DOCK1: variants seen among roughly 807,000 people sequenced by gnomAD.
DOCK1 encodes dedicator of cytokinesis protein 1.
DOCK1 carries 138 observed loss-of-function variants against 262.7 expected under a neutral mutation model. The observed-to-expected ratio is 0.53, with a 90% CI of 0.46 to 0.61. The LOEUF is 0.61. Ranked by LOEUF, DOCK1 falls within the 20% of genes least tolerant of loss-of-function variation. The probability of loss-of-function intolerance (pLI) is 0.00; values close to 1 mark genes in which losing one functional copy is unlikely to be tolerated. For missense variants in DOCK1, 1,908 were observed against 2,370.7 expected (o/e 0.80, Z 4.05); for synonymous variants, 866 against 867.4 (o/e 1.00, Z 0.03).
chr10:127,380,886 G>T (rs2065788111), intron 36 of DOCK1, among the ~76,000 whole-genome samples: 1 of 152,136 alleles, frequency 6.6e-6, no homozygotes, highest in African/African-American at 2.4e-5. Flanking sequence ...TTATGGCAAA[G>T]AAATTCTTTC....
At chr10:127,342,083 T>TTGCTGTTGTTGTTGCTGCTGCTGCTGC (rs1270238317) in intron 30 of DOCK1, among the ~76,000 whole-genome samples, 3 of 147,154 alleles carry the variant, frequency 2.0e-5, no homozygotes, top group African/African-American at 7.6e-5. Context: ...GCTGTTGCTG[T>TTGCTGTTGTTGTTGCTGCTGCTGCTGC]TGCTGTTGTT....
At chr10:127,190,057 A>G (rs760177566) in intron 27 of DOCK1, among the ~76,000 whole-genome samples, 1 of 152,210 alleles carries the variant, frequency 6.6e-6, no homozygotes, top group Non-Finnish European at 1.5e-5. Flanking sequence ...TTTGGGTTAT[A>G]AGAACATTAA....
At chr10:127,427,347 C>T (rs547610774) in intron 47 of DOCK1, among the ~76,000 whole-genome samples, 12 of 152,254 alleles carry the variant, frequency 7.9e-5, no homozygotes, top group East Asian at 1.9e-4. Context: ...GGCCCAGGGC[C>T]GCCTGTCCAC....
intron 37 of DOCK1, among the ~76,000 whole-genome samples, chr10:127,382,166 T>C (rs955109354): frequency 6.6e-5 from 10 of 152,178 alleles, no homozygotes; most frequent in Admixed American, 2.0e-4. Context: ...AGACTGCTCA[T>C]TCAAGGAGTC....
At chr10:126,984,708 T>A (rs1048108994) in intron 4 of DOCK1, among the ~76,000 whole-genome samples, 2 of 152,182 alleles carry the variant, frequency 1.3e-5, no homozygotes, top group Non-Finnish European at 2.9e-5. Context: ...AAATTGTATG[T>A]ATTTATGGTG....
At chr10:127,311,699 T>G (rs947416846) in intron 29 of DOCK1, among the ~76,000 whole-genome samples, 2 of 152,122 alleles carry the variant, frequency 1.3e-5, no homozygotes, top group African/African-American at 4.8e-5. Context: ...TCCCTGTCTC[T>G]GCACAGCTGA....
intron 27 of DOCK1, among the ~76,000 whole-genome samples, chr10:127,154,674 C>G (rs1013888524): frequency 1.1e-4 from 16 of 152,192 alleles, no homozygotes; most frequent in African/African-American, 3.6e-4. Flanking sequence ...GTTACTTTCC[C>G]TGGCTTTATT....
intron 51 of DOCK1, among the ~76,000 whole-genome samples, chr10:127,450,339 A>G (rs2070873338): frequency 6.6e-6 from 1 of 152,210 alleles, no homozygotes; most frequent in Non-Finnish European, 1.5e-5. Context: ...ACCCACACTG[A>G]GAGGCTGATA....
chr10:127,177,603 G>T (rs1342545707), intron 27 of DOCK1, among the ~76,000 whole-genome samples: 4 of 152,198 alleles, frequency 2.6e-5, no homozygotes, highest in Non-Finnish European at 5.9e-5. Flanking sequence ...CATGGACATG[G>T]GCCCGTGAGA....
intron 10 of DOCK1, among the ~76,000 whole-genome samples, chr10:127,001,953 G>A (rs935119444): frequency 1.3e-5 from 2 of 152,160 alleles, no homozygotes; most frequent in African/African-American, 4.8e-5. Flanking sequence ...GACCTCCTGG[G>A]CTCAAGTGAT....
At chr10:126,928,926 C>T (rs1282807883) in intron 1 of DOCK1, among the ~76,000 whole-genome samples, 4 of 152,256 alleles carry the variant, frequency 2.6e-5, no homozygotes, top group Admixed American at 6.5e-5. Context: ...ACTGGTATTA[C>T]AGTTAAGTAT....
At chr10:126,945,818 G>A (rs1032945829) in intron 1 of DOCK1, among the ~76,000 whole-genome samples, 25 of 152,336 alleles carry the variant, frequency 1.6e-4, no homozygotes, top group African/African-American at 6.0e-4. Context: ...CTGGCACTTT[G>A]CTGATGCAGG....
chr10:127,381,705 A>G (rs1445431653), intron 37 of DOCK1, among the ~76,000 whole-genome samples: 3 of 152,068 alleles, frequency 2.0e-5, no homozygotes, highest in African/African-American at 7.2e-5. Context: ...AATATCAAGA[A>G]GGAATTTTCC....
At chr10:126,976,232 A>C (rs189673755) in intron 2 of DOCK1, among the ~76,000 whole-genome samples, 2 of 152,294 alleles carry the variant, frequency 1.3e-5, no homozygotes, top group East Asian at 3.9e-4. Context: ...GAACTTGACA[A>C]TATGGCTATC....
At position 127,335,785 on chromosome 10, in the gene DOCK1, G is replaced by T. The variant is rs1271237652; in HGVS notation, c.3045-3221G>T. Among the ~76,000 whole-genome samples the T allele has an allele frequency of 3.3e-5, 5 of 151,836 alleles. No individual in the cohort carries two copies. The South Asian group carries it at 1.0e-3, about 32-fold the overall frequency. ...GCTGGAGTGCAGTGGTGCAATCTCG[G>T]CTCATTGCAAGCTCCACCTCCCAGG... On this transcript the variant is annotated intron_variant, in intron 29 of 51. Transcript: ENST00000623213.
At chr10:126,959,612 G>A (rs2037033263) in intron 1 of DOCK1, among the ~76,000 whole-genome samples, 1 of 152,220 alleles carries the variant, frequency 6.6e-6, no homozygotes, top group African/African-American at 2.4e-5. Flanking sequence ...ATCAGAGCCA[G>A]CGTGACCTCC....
chr10:127,139,307 C>T (rs965052486), intron 27 of DOCK1, among the ~76,000 whole-genome samples: 2 of 152,052 alleles, frequency 1.3e-5, no homozygotes, highest in African/African-American at 4.8e-5. Context: ...AAAACAAGTT[C>T]AGGACCCATC....
intron 1 of DOCK1, among the ~76,000 whole-genome samples, chr10:126,937,121 G>C (rs1397102041): frequency 6.6e-6 from 1 of 152,102 alleles, no homozygotes; most frequent in African/African-American, 2.4e-5. Flanking sequence ...ATTTCACTTA[G>C]TTTAAAGCCC....
intron 38 of DOCK1, among the ~76,000 whole-genome samples, chr10:127,393,568 C>T (rs1015453800): frequency 6.6e-6 from 1 of 152,104 alleles, no homozygotes; most frequent in African/African-American, 2.4e-5. Flanking sequence ...TCTCTCTGTG[C>T]TCCCCGGGAG....
Sources: allele counts gnomAD v4.1 joint callset (sites outside exome capture counted in the v4.1 genomes callset), GRCh38; gene constraint gnomAD v4.1.1; transcripts MANE v1.5; gene names NCBI Gene and HGNC (gene_info 2026-07-23, HGNC 2026-07-21).